The following RIMS1 variants were observed in gnomAD, a reference collection of about 807,000 sequenced individuals.
RIMS1 encodes regulating synaptic membrane exocytosis protein 1.
A neutral mutation model predicts 214.1 loss-of-function variants in RIMS1; 83 were observed. The ratio of observed to expected loss-of-function variants is 0.39; its 90% confidence interval spans 0.32 to 0.47. The LOEUF is 0.47. RIMS1 is among the 20% of genes least tolerant of loss of function. RIMS1 has a pLI of 0.99. For missense variants in RIMS1, 2,050 were observed against 2,161.8 expected (o/e 0.95, Z 1.03); for synonymous variants, 793 against 786.8 (o/e 1.01, Z -0.13).
At chr6:72,240,491 A>AAT in intron 9 of RIMS1, among the ~76,000 whole-genome samples, 1 of 151,830 alleles carries the variant, frequency 6.6e-6, no homozygotes, top group South Asian at 2.1e-4. Flanking sequence ...ATATAATATG[A>AAT]ATATATATAC....
chr6:72,306,949 C>G (rs1336707263), intron 26 of RIMS1, among the ~76,000 whole-genome samples: 1 of 152,066 alleles, frequency 6.6e-6, no homozygotes, highest in African/African-American at 2.4e-5. Context: ...AACATTCTTA[C>G]AATTAAATTT....
intron 2 of RIMS1, among the ~76,000 whole-genome samples, chr6:72,001,517 A>T (rs1219750844): frequency 6.6e-6 from 1 of 152,060 alleles, no homozygotes; most frequent in East Asian, 1.9e-4. Context: ...CCCCTGCCCC[A>T]TATACACCTG....
rs886372856 is a variant in RIMS1 at position 71,946,442 on chromosome 6, C to T, written c.165-22541C>T. On this transcript the variant is annotated intron_variant, in intron 1 of 33. Transcript: ENST00000521978. ...CTGGCATAAAAACAAACATGTAGAT[C>T]AATGGAACAGAATAAAGAGCATGGA... Among the ~76,000 whole-genome samples, 78 of 152,002 alleles carry T rather than the reference C, an allele frequency of 5.1e-4. 2 individuals are homozygous for T. The highest frequency in any genetic ancestry group is 5.1e-3 in the Admixed American group (77 of 15,240).
At chr6:72,373,714 A>G (rs2098287917) in intron 29 of RIMS1, among the ~76,000 whole-genome samples, 1 of 152,180 alleles carries the variant, frequency 6.6e-6, no homozygotes, top group Non-Finnish European at 1.5e-5. Context: ...CCACAGAATC[A>G]TTAAATACTG....
intron 2 of RIMS1, among the ~76,000 whole-genome samples, chr6:71,984,095 G>A (rs1799208811): frequency 6.6e-6 from 1 of 152,038 alleles, no homozygotes; most frequent in South Asian, 2.1e-4. Context: ...AGTATAGTTG[G>A]TTATTTCAAT....
At chr6:72,175,490 T>C in intron 4 of RIMS1, 1 of 210,544 alleles carries the variant, frequency 4.7e-6, no homozygotes, top group Non-Finnish European at 9.8e-6. Flanking sequence ...CTGCCCAACA[T>C]GGTGAAACAC....
chr6:72,269,034 A>C (rs2081839750), intron 22 of RIMS1, among the ~76,000 whole-genome samples: 1 of 152,152 alleles, frequency 6.6e-6, no homozygotes, highest in African/African-American at 2.4e-5. Flanking sequence ...CCACTAGAGA[A>C]AACTTACTTT....
chr6:72,238,945 G>C (rs762190879), intron 9 of RIMS1, among the ~76,000 whole-genome samples: 5 of 151,948 alleles, frequency 3.3e-5, no homozygotes, highest in Non-Finnish European at 7.4e-5. Flanking sequence ...TGCTGTGCAG[G>C]TGTATAGGAA....
intron 2 of RIMS1, among the ~76,000 whole-genome samples, chr6:72,003,784 C>T (rs1172650911): frequency 3.3e-5 from 5 of 151,646 alleles, no homozygotes; most frequent in African/African-American, 9.7e-5. Flanking sequence ...TCACAGTGGT[C>T]GTTCTTTTTC....
At chr6:72,046,046 T>A (rs1327370641) in intron 2 of RIMS1, among the ~76,000 whole-genome samples, 1 of 152,116 alleles carries the variant, frequency 6.6e-6, no homozygotes, top group Non-Finnish European at 1.5e-5. Flanking sequence ...TAAAAAATTA[T>A]CACTGCTAAT....
At chr6:72,177,040 A>G (rs2047810200) in intron 4 of RIMS1, among the ~76,000 whole-genome samples, 1 of 152,180 alleles carries the variant, frequency 6.6e-6, no homozygotes. Context: ...TTGTGATAAT[A>G]ATTTCTAGAG....
Position 72,097,011 on chromosome 6 carries a change from G to A in RIMS1, c.308G>A (p.Arg103Gln), listed in dbSNP as rs771165778. Reference protein sequence around the residue: ...EQVRKIGEEARRYQGEHKDDA... With the variant: ...EQVRKIGEEAQRYQGEHKDDA... ...GTGAGAAAAATAGGGGAAGAAGCGC[G>A]GCGTTACCAGGGCGAGCACAAAGAC... Residue 103 changes from arginine to glutamine, a missense_variant, in exon 3 of 34, where the codon CGG (arginine) becomes CAG (glutamine). This residue lies in a region of RIMS1 where 882 missense variants were observed against 828.9 expected (regional missense o/e 1.06). Transcript: ENST00000521978. 2.3e-5 allele frequency: 37 copies of A among 1,613,764 alleles called. No homozygotes were observed. Among genetic ancestry groups the A allele is most frequent in the East Asian group, 4.5e-5 (2 of 44,874 alleles).
intron 6 of RIMS1, among the ~76,000 whole-genome samples, chr6:72,225,945 G>C (rs1248317454): frequency 6.6e-6 from 1 of 152,110 alleles, no homozygotes; most frequent in Non-Finnish European, 1.5e-5. Flanking sequence ...ATTTACACAT[G>C]AAATTTATTC....
At chr6:71,962,935 C>T (rs1440265569) in intron 1 of RIMS1, among the ~76,000 whole-genome samples, 1 of 146,098 alleles carries the variant, frequency 6.8e-6, no homozygotes, top group Non-Finnish European at 1.5e-5. Flanking sequence ...CTTAAGGTCA[C>T]TTTACACTTC....
chr6:72,172,646 A>G (rs755963547), intron 4 of RIMS1, among the ~76,000 whole-genome samples: 13 of 152,158 alleles, frequency 8.5e-5, no homozygotes, highest in Non-Finnish European at 1.3e-4. Context: ...ATTATGCTTC[A>G]TATTCTATGG....
At chr6:72,263,170 T>A in intron 19 of RIMS1, 1 of 984,830 alleles carries the variant, frequency 1.0e-6, no homozygotes, top group Non-Finnish European at 1.2e-6. Context: ...ACTGAAAGTG[T>A]CTACCTTGAA....
intron 2 of RIMS1, among the ~76,000 whole-genome samples, chr6:72,074,018 T>G (rs1344425096): frequency 6.6e-6 from 1 of 152,202 alleles, no homozygotes; most frequent in Non-Finnish European, 1.5e-5. Flanking sequence ...TCTATGTATT[T>G]TATGATATAT....
intron 1 of RIMS1, among the ~76,000 whole-genome samples, chr6:71,915,288 T>G (rs1778021800): frequency 6.6e-6 from 1 of 152,160 alleles, no homozygotes; most frequent in Non-Finnish European, 1.5e-5. Flanking sequence ...TCACATATAC[T>G]TTTCACTTTT....
At chr6:72,052,053 G>A (rs1824855796) in intron 2 of RIMS1, among the ~76,000 whole-genome samples, 1 of 152,262 alleles carries the variant, frequency 6.6e-6, no homozygotes, top group South Asian at 2.1e-4. Flanking sequence ...GCAAATCGCA[G>A]AATTCTAAAG....
Sources: allele counts gnomAD v4.1 joint callset (sites outside exome capture counted in the v4.1 genomes callset), GRCh38; gene constraint gnomAD v4.1.1; regional missense constraint gnomAD v4.1.1; transcripts MANE v1.5; gene names NCBI Gene and HGNC (gene_info 2026-07-23, HGNC 2026-07-21).